Variants in OGN observed in about 807,000 individuals in gnomAD.
The protein encoded by OGN is mimecan.
A neutral mutation model predicts 30.8 loss-of-function variants in OGN; 19 were observed. That is an observed-to-expected ratio of 0.62 (90% CI 0.43 to 0.90). OGN has a LOEUF of 0.90. Among genes scored for constraint, OGN ranks in the 40% least tolerant of loss-of-function variants. The pLI, the probability that OGN is intolerant of heterozygous loss-of-function variation, is 0.00. For missense variants in OGN, 283 were observed against 349.7 expected (o/e 0.81, Z 1.52); for synonymous variants, 126 against 128.3 (o/e 0.98, Z 0.12).
rs1321761739 is a variant in OGN, at chr9:92,383,854, T to G, written c.*1766A>C. The G allele has an allele frequency of 6.6e-6, 1 of 152,172 alleles. No homozygotes were observed. The highest frequency in any genetic ancestry group is 1.9e-4 in the East Asian group (1 of 5,204). The allele number at this position is 152,172 out of a possible 1,614,324, so 9.4% of individuals were successfully genotyped here. A position where few individuals can be genotyped will look rare whatever the true frequency, so the allele number is the denominator to read the frequency against. ...TTTGATGGTGTTTTGCTCCATAAGT[T>G]TTATCATAAAAATAATATAGGAATA... On this transcript the variant is annotated 3_prime_UTR_variant, in exon 7 of 7. Transcript: ENST00000375561.
intron 4 of OGN, among the ~76,000 whole-genome samples, chr9:92,391,997 G>A (rs1173841004): frequency 6.6e-6 from 1 of 151,888 alleles, no homozygotes; most frequent in Non-Finnish European, 1.5e-5. Flanking sequence ...GTGTAGCGGG[G>A]CTAGTATGCA....
At position 92,385,720 on chromosome 9, in the gene OGN, CG is replaced by C. The variant is rs766769286; in HGVS notation, c.796del (p.Arg266AlafsTer24). On this transcript the variant is annotated frameshift_variant, in exon 7 of 7. Coordinates refer to ENST00000375561, the MANE Select transcript of OGN (RefSeq NM_014057.5). LOFTEE classifies it high-confidence loss of function. ...GCCCTCCAGGCGTATCTCTTCAATG[CG>C]GTCCCGGATGTAACTGGTGTCATTA... ...KANDTSYIRDRIEEIRLEGNP... is the reference protein window; with the variant it reads ...KANDTSYIRDXIEEIRLEGNP... 6.2e-7 allele frequency: 1 copy of C among 1,613,966 alleles called. No homozygotes were observed. Among genetic ancestry groups the C allele is most frequent in the Admixed American group, 1.7e-5 (1 of 60,024 alleles).
intron 3 of OGN, among the ~76,000 whole-genome samples, chr9:92,397,195 C>A (rs958083811): frequency 1.3e-5 from 2 of 151,824 alleles, no homozygotes; most frequent in Non-Finnish European, 2.9e-5. Context: ...AACAAACAAA[C>A]AAAAAAACAC....
Position 92,383,574 on chromosome 9 carries a change from TTCTC to T in OGN, c.*2042_*2045del, listed in dbSNP as rs2130874087. On this transcript the variant is annotated 3_prime_UTR_variant, in exon 7 of 7. Transcript: ENST00000375561. ...ATAATGGAGACAGCATATTTTTACT[TTCTC>T]TAATTATTTCGTCTGATATCTTCTG... Among the ~76,000 whole-genome samples, 1 of 152,302 alleles carries T rather than the reference TTCTC, an allele frequency of 6.6e-6. No homozygotes were observed. Among genetic ancestry groups the T allele is most frequent in the South Asian group, 2.1e-4 (1 of 4,822 alleles).
intron 3 of OGN, among the ~76,000 whole-genome samples, chr9:92,395,369 T>C (rs1842852325): frequency 6.6e-6 from 1 of 152,216 alleles, no homozygotes; most frequent in African/African-American, 2.4e-5. Flanking sequence ...AGTTCATTCT[T>C]CTTTATTACT....
rs1842356377 is a variant in OGN at position 92,384,727 on chromosome 9, G to A, written c.*893C>T. The A allele has an allele frequency of 6.6e-6, 1 of 151,934 alleles. No homozygotes were observed. Among genetic ancestry groups the A allele is most frequent in the Non-Finnish European group, 1.5e-5 (1 of 67,968 alleles). 9.4% of individuals were successfully genotyped at this position (151,934 alleles called of 1,614,324 possible). A position where few individuals can be genotyped will look rare whatever the true frequency, so the allele number is the denominator to read the frequency against. On this transcript the variant is annotated 3_prime_UTR_variant, in exon 7 of 7. Transcript: ENST00000375561. Reference sequence around the variant, plus strand: ...GTGCACTGGCACCACAGAATATTCTGTTTTCATCTTATGCTTGAACTAATT... The same window carrying A: ...GTGCACTGGCACCACAGAATATTCTATTTTCATCTTATGCTTGAACTAATT...
intron 3 of OGN, among the ~76,000 whole-genome samples, 189 bp from the exon 4 acceptor site, chr9:92,393,433 G>T (rs954358719): frequency 6.6e-6 from 1 of 152,136 alleles, no homozygotes; most frequent in East Asian, 1.9e-4. Flanking sequence ...TATTGTTTGA[G>T]AATCTCTTTT....
Position 92,401,178 on chromosome 9 carries a change from T to A in OGN, c.182A>T (p.Glu61Val). Residue 61 changes from glutamate (E) to valine (V), a missense_variant, in exon 3 of 7, where the codon GAA (glutamate) becomes GTA (valine). By Grantham distance (121) the Glu-to-Val change is moderately radical (BLOSUM62 -2). Coordinates refer to ENST00000375561, the MANE Select transcript of OGN (RefSeq NM_014057.5). The stretch of plus-strand genomic sequence containing the variant: ...TTTCTCATTGGGTATTATCACAGTT[T>A]CTTTTTCCTATTGGAAAAATAAAAG... ...YLDGKNIKEK[E>V]TVIIPNEKSL... The A allele has an allele frequency of 6.9e-7, 1 of 1,457,998 alleles. No homozygotes were observed. The highest frequency in any genetic ancestry group is 9.6e-7 in the Non-Finnish European group (1 of 1,043,584). The allele number at this position is 1,457,998 out of a possible 1,614,324, so 90.3% of individuals were successfully genotyped here.
chr9:92,392,621 G>C lies in OGN; in HGVS notation c.427+465C>G, dbSNP rs544652182. 2.2e-4 allele frequency among the ~76,000 whole-genome samples: 33 copies of C among 151,576 alleles called. 1 individual carries two copies. Among genetic ancestry groups the C allele is most frequent in the Admixed American group, 2.0e-3 (31 of 15,266 alleles). On this transcript the variant is annotated intron_variant, in intron 4 of 6. Transcript: ENST00000375561. ...CAGAGCAAGACTCCATGTCGGGTTG[G>C]GGGGAGGGGGGAGAAAAAAAAAACA...
intron 4 of OGN, among the ~76,000 whole-genome samples, chr9:92,390,257 A>G (rs1842616706): frequency 6.6e-6 from 1 of 152,128 alleles, no homozygotes; most frequent in Non-Finnish European, 1.5e-5. Flanking sequence ...TCCCTTTCTG[A>G]CTGGAGTCCT....
chr9:92,386,112 T>G, intron 6 of OGN, 89 bp downstream of exon 6: 1 of 1,009,384 alleles, frequency 9.9e-7, no homozygotes, highest in Non-Finnish European at 1.5e-6. Context: ...AACCAAAATT[T>G]GTATGTGAAT....
At position 92,404,571 on chromosome 9, in the gene OGN, G is replaced by T; in HGVS notation, c.-151C>A. ...GTCTGTGCATTAGCCCCAAGTGGGA[G>T]GGTGAATGAGAAAAGCTATGTCTTG... On this transcript the variant is annotated 5_prime_UTR_variant, in exon 1 of 7. Coordinates refer to ENST00000375561, the MANE Select transcript of OGN (RefSeq NM_014057.5). 2 of 1,293,754 alleles carry T rather than the reference G, an allele frequency of 1.5e-6. No homozygotes were observed. 80.1% of individuals were successfully genotyped at this position (1,293,754 alleles called of 1,614,324 possible).
In OGN at chr9:92,390,061, A is replaced by T. The variant is rs1842607291; in HGVS notation, c.428-5T>A. The T allele has an allele frequency of 2.0e-6, 3 of 1,521,978 alleles. No individual in the cohort carries two copies. The East Asian group carries it at 6.8e-5, about 34-fold the overall frequency. The allele number at this position is 1,521,978 out of a possible 1,614,324, so 94.3% of individuals were successfully genotyped here. Reference sequence around the variant, plus strand: ...AATCGAGTCTTCTTAAGTTAGCTAGAGGGAAAAAAATATAAAAAACAACTA... The same window carrying T: ...AATCGAGTCTTCTTAAGTTAGCTAGTGGGAAAAAAATATAAAAAACAACTA... On this transcript the variant is annotated splice_polypyrimidine_tract_variant and splice_region_variant and intron_variant, in intron 4 of 6. Transcript: ENST00000375561.
In OGN at chr9:92,385,580, G is replaced by C. The variant is rs559592252; in HGVS notation, c.*40C>G. 1.7e-5 allele frequency: 27 copies of C among 1,552,340 alleles called. No individual in the cohort carries two copies. Among genetic ancestry groups the C allele is most frequent in the Non-Finnish European group, 2.4e-5 (27 of 1,125,796 alleles). On this transcript the variant is annotated 3_prime_UTR_variant, in exon 7 of 7. Coordinates refer to ENST00000375561, the MANE Select transcript of OGN (RefSeq NM_014057.5). ...TACTCATTGTTGAGACAGACTATTAGTGTAGGTGTACTTTCATTTATATGT... is the reference window on the plus strand; with the variant it reads ...TACTCATTGTTGAGACAGACTATTACTGTAGGTGTACTTTCATTTATATGT...
chr9:92,395,538 T>C (rs1228331027), intron 3 of OGN, among the ~76,000 whole-genome samples: 2 of 152,214 alleles, frequency 1.3e-5, no homozygotes, highest in Non-Finnish European at 2.9e-5. Context: ...AGGAGTGGAA[T>C]GGCTGGGTCT....
At position 92,403,378 on chromosome 9, in the gene OGN, C is replaced by T. The variant is rs1554758106; in HGVS notation, c.30G>A (p.Leu10=). The part of the protein sequence containing the change: MKTLQSTLL[L]LLLVPLIKPA... ...GCTTTATCAGAGGCACAAGCAGTAA[C>T]AGGAGAAGTGTAGACTGCAGAGTCT... The change falls in exon 2 of 7, where the codon CTG becomes CTA. Residue 10 remains leucine (L), a synonymous_variant. Transcript: ENST00000375561. The T allele has an allele frequency of 1.2e-6, 2 of 1,612,734 alleles. No homozygotes were observed. The highest frequency in any genetic ancestry group is 1.7e-4 in the Middle Eastern group (1 of 6,058).
chr9:92,401,112 G>T lies in OGN; in HGVS notation c.248C>A (p.Pro83His). Reference sequence around the variant, plus strand: ...CTTACCATCATTTTCTTTCTTGGGAGGTAATGGTGTTATTGCCTCATCTTT... The same window carrying T: ...CTTACCATCATTTTCTTTCTTGGGATGTAATGGTGTTATTGCCTCATCTTT... ...LQKDEAITPL[P>H]PKKENDEMPT... The change falls in exon 3 of 7, where the codon CCT becomes CAT. Residue 83 changes from proline to histidine, a missense_variant. By Grantham distance (77) the Pro-to-His change is moderately conservative. Coordinates refer to ENST00000375561, the MANE Select transcript of OGN (RefSeq NM_014057.5). 2 of 1,501,968 alleles carry T rather than the reference G, an allele frequency of 1.3e-6. No individual in the cohort carries two copies. The highest frequency in any genetic ancestry group is 9.3e-7 in the Non-Finnish European group (1 of 1,080,974). The allele number at this position is 1,501,968 out of a possible 1,614,324, so 93.0% of individuals were successfully genotyped here.
chr9:92,393,099 A>C lies in OGN; in HGVS notation c.414T>G (p.Asp138Glu). 1 of 1,613,484 alleles carries C rather than the reference A, an allele frequency of 6.2e-7. No individual in the cohort carries two copies. Among genetic ancestry groups the C allele is most frequent in the Non-Finnish European group, 8.5e-7 (1 of 1,179,752 alleles). ...AGCTTAACTTACGTATGTCTGCAAA[A>C]TCTTTGGCAGTCAGCTTTTTAATTT... ...FNKIKKLTAK[D>E]FADIPNLRRL... Residue 138 changes from aspartate to glutamate, a missense_variant, in exon 4 of 7, where the codon GAT becomes GAG. Transcript: ENST00000375561.
chr9:92,390,587 T>TGTGTGTGTGTGTGTGCGC (rs749697394), intron 4 of OGN, among the ~76,000 whole-genome samples: 3 of 141,810 alleles, frequency 2.1e-5, no homozygotes, highest in South Asian at 2.3e-4. Context: ...TGTGTGTGTG[T>TGTGTGTGTGTGTGTGCGC]GCGCGCGCGC....
Sources: gnomAD v4.1 joint callset for allele counts (sites outside exome capture counted in the v4.1 genomes callset) on GRCh38, gnomAD v4.1.1 for gene constraint, MANE v1.5 for transcripts, NCBI Gene and HGNC (gene_info 2026-07-23, HGNC 2026-07-21) for gene names.